AGBL1: variants seen among roughly 807,000 people sequenced by gnomAD.
AGBL1 encodes AGBL carboxypeptidase 1.
In AGBL1, 130 loss-of-function variants were observed where a neutral mutation model predicts 118.9. The ratio of observed to expected loss-of-function variants is 1.09; its 90% CI spans 0.95 to 1.26. The LOEUF (loss-of-function observed/expected upper bound fraction) is 1.26. AGBL1 is among the 50% of genes most tolerant of loss of function. The pLI is 0.00. For missense variants in AGBL1, 1,584 were observed against 1,298.1 expected, an observed-to-expected ratio of 1.22 and a Z score of -3.38; for synonymous variants, 555 against 478.9, an observed-to-expected ratio of 1.16 and a Z score of -2.08.
chr15:86,647,488 G>A (rs182562120), intron 21 of AGBL1, among the ~76,000 whole-genome samples: 1 of 152,288 alleles, frequency 6.6e-6, no homozygotes. Context: ...ATCACCTGAG[G>A]TCAGGAGTTT....
rs145755057 is a variant in AGBL1 at position 86,415,524 on chromosome 15, G to A, written c.2555+17978G>A. On this transcript the variant is annotated intron_variant, in intron 18 of 22. Coordinates refer to ENST00000614907, the MANE Select transcript of AGBL1 (RefSeq NM_001386094.1). ...ATGTTAAAGTAAACAACACTTATAA[G>A]AACAGTTATTATACTTTAACACCTA... Among the ~76,000 whole-genome samples, 559 of 152,164 alleles carry A rather than the reference G, an allele frequency of 3.7e-3. 7 individuals are homozygous for A. Among genetic ancestry groups the A allele is most frequent in the African/African-American group, 0.011 (450 of 41,520 alleles).
chr15:86,396,179 A>T (rs1427560661), intron 17 of AGBL1, among the ~76,000 whole-genome samples: 1 of 147,700 alleles, frequency 6.8e-6, no homozygotes, highest in Non-Finnish European at 1.5e-5. Flanking sequence ...ATATATTCAT[A>T]TATATGTGTA....
intron 3 of AGBL1, among the ~76,000 whole-genome samples, chr15:86,150,807 G>T (rs2077097404): frequency 6.6e-6 from 1 of 152,152 alleles, no homozygotes; most frequent in African/African-American, 2.4e-5. Flanking sequence ...GTCTGGCAGA[G>T]ACACAACAAA....
chr15:86,396,765 G>C (rs910628341), intron 17 of AGBL1, among the ~76,000 whole-genome samples: 2 of 152,122 alleles, frequency 1.3e-5, no homozygotes, highest in Non-Finnish European at 2.9e-5. Flanking sequence ...CATAAAGTCA[G>C]TATTATTGTC....
chr15:86,587,508 G>T (rs148669765), intron 21 of AGBL1, among the ~76,000 whole-genome samples: 15 of 152,212 alleles, frequency 9.9e-5, no homozygotes, highest in African/African-American at 3.6e-4. Context: ...TGGGAAAGTG[G>T]GTCTAATTCT....
At chr15:86,988,063 A>T (rs755315062) in exon 24 of AGBL1, 2 of 1,613,734 alleles carry the variant, frequency 1.2e-6, no homozygotes, top group Non-Finnish European at 1.7e-6. Flanking sequence ...CTTTTTCAAG[A>T]TGAACCTTCT....
At chr15:86,242,383 A>T (rs1455130963) in intron 6 of AGBL1, among the ~76,000 whole-genome samples, 2 of 152,222 alleles carry the variant, frequency 1.3e-5, no homozygotes, top group African/African-American at 4.8e-5. Flanking sequence ...GTATTATCTC[A>T]TTTAATTCTC....
At chr15:86,460,366 G>A in intron 18 of AGBL1, among the ~76,000 whole-genome samples, 1 of 145,616 alleles carries the variant, frequency 6.9e-6, no homozygotes, top group East Asian at 2.0e-4. Context: ...CGTGGTGATA[G>A]GTACCTATAG....
At chr15:86,145,037 T>C (rs1390531710) in intron 3 of AGBL1, among the ~76,000 whole-genome samples, 1 of 152,184 alleles carries the variant, frequency 6.6e-6, no homozygotes, top group Non-Finnish European at 1.5e-5. Flanking sequence ...TGGTGTTTCT[T>C]GGACTATAGA....
chr15:86,554,728 A>G (rs1192703157), intron 21 of AGBL1, among the ~76,000 whole-genome samples, 191 bp downstream of exon 21: 2 of 152,202 alleles, frequency 1.3e-5, no homozygotes, highest in African/African-American at 2.4e-5. Flanking sequence ...TCCTGGAAGC[A>G]ATGCGTGCAT....
At chr15:86,464,939 A>G (rs1038615590) in intron 18 of AGBL1, among the ~76,000 whole-genome samples, 4 of 151,714 alleles carry the variant, frequency 2.6e-5, no homozygotes, top group African/African-American at 9.7e-5. Context: ...CCTGAATTTG[A>G]ATGTTGGCCT....
At chr15:86,512,391 G>A (rs551267666) in intron 18 of AGBL1, among the ~76,000 whole-genome samples, 142 of 151,822 alleles carry the variant, frequency 9.4e-4, no homozygotes, top group Non-Finnish European at 1.0e-3. Flanking sequence ...AGTTTTTCTG[G>A]ACATCAAATC....
chr15:86,782,259 T>C (rs1026914050), intron 22 of AGBL1, among the ~76,000 whole-genome samples: 1 of 151,994 alleles, frequency 6.6e-6, no homozygotes, highest in African/African-American at 2.4e-5. Context: ...TATTTGACAA[T>C]AGTATTTATA....
chr15:86,241,592 G>A (rs1016205066), intron 6 of AGBL1, among the ~76,000 whole-genome samples: 2 of 152,200 alleles, frequency 1.3e-5, no homozygotes, highest in East Asian at 1.9e-4. Context: ...CCTTCTTGCT[G>A]CATACTCACA....
intron 19 of AGBL1, among the ~76,000 whole-genome samples, chr15:86,525,017 A>G (rs2083244239): frequency 6.6e-6 from 1 of 152,314 alleles, no homozygotes; most frequent in Non-Finnish European, 1.5e-5. Context: ...GACTCCCTCA[A>G]TAGACTCTTA....
At chr15:86,467,433 A>G (rs1245399654) in intron 18 of AGBL1, among the ~76,000 whole-genome samples, 1 of 152,176 alleles carries the variant, frequency 6.6e-6, no homozygotes, top group Non-Finnish European at 1.5e-5. Context: ...TCTCCTGAGC[A>G]AGACCATTTG....
intron 17 of AGBL1, chr15:86,295,934 A>G (rs1221418175): frequency 6.4e-6 from 1 of 155,758 alleles, no homozygotes; most frequent in African/African-American, 2.4e-5. Context: ...ACGCAGACAC[A>G]CACAAATATA....
chr15:86,338,559 C>G (rs1344585003), intron 17 of AGBL1, among the ~76,000 whole-genome samples: 1 of 152,034 alleles, frequency 6.6e-6, no homozygotes, highest in African/African-American at 2.4e-5. Flanking sequence ...TTGCTCTGAT[C>G]CAGGAAAGCA....
chr15:86,430,272 G>A (rs1353716447), intron 18 of AGBL1, among the ~76,000 whole-genome samples: 1 of 152,008 alleles, frequency 6.6e-6, no homozygotes, highest in Non-Finnish European at 1.5e-5. Flanking sequence ...TGAGGTGGGT[G>A]GATCACGAGG....
Sources: gnomAD v4.1 joint callset for allele counts (sites outside exome capture counted in the v4.1 genomes callset) on GRCh38, gnomAD v4.1.1 for gene constraint, MANE v1.5 for transcripts, NCBI Gene and HGNC (gene_info 2026-07-23, HGNC 2026-07-21) for gene names.